Variants in RUNDC3B observed in about 807,000 individuals in gnomAD.
The protein encoded by RUNDC3B is RUN domain-containing protein 3B.
Under a neutral mutation model 58.4 loss-of-function variants are expected in RUNDC3B, and 33 were observed. The observed-to-expected ratio is 0.56, with a 90% CI of 0.43 to 0.75. The LOEUF (loss-of-function observed/expected upper bound fraction) is 0.75. RUNDC3B is among the 30% of genes least tolerant of loss of function. The pLI is 0.00. For synonymous variants in RUNDC3B, 193 were observed against 195.2 expected, an observed-to-expected ratio of 0.99 and a Z score of 0.10; for missense variants, 501 against 535.7, an observed-to-expected ratio of 0.94 and a Z score of 0.64.
intron 2 of RUNDC3B, among the ~76,000 whole-genome samples, chr7:87,661,926 CT>C: frequency 6.6e-6 from 1 of 152,110 alleles, no homozygotes; most frequent in East Asian, 1.9e-4. Flanking sequence ...TATTGCTTGT[CT>C]TTTGGATAAA....
At chr7:87,643,818 C>T (rs2188532) in intron 1 of RUNDC3B, among the ~76,000 whole-genome samples, 4,750 of 150,516 alleles carry the variant, frequency 0.032, 72 homozygotes, top group Middle Eastern at 0.05. Context: ...TGAGCCACCA[C>T]GCCCGGCCAA....
intron 8 of RUNDC3B, among the ~76,000 whole-genome samples, chr7:87,800,475 T>A (rs1836084282): frequency 6.6e-6 from 1 of 152,162 alleles, no homozygotes; most frequent in South Asian, 2.1e-4. Context: ...GCAGAATCTC[T>A]TCAACATACT....
chr7:87,680,322 G>A (rs1826801923), intron 2 of RUNDC3B, among the ~76,000 whole-genome samples: 1 of 150,586 alleles, frequency 6.6e-6, no homozygotes, highest in Non-Finnish European at 1.5e-5. Flanking sequence ...ATAACTCTTG[G>A]ATCAAAGAGG....
At chr7:87,632,538 C>T (rs1483888882) in intron 1 of RUNDC3B, among the ~76,000 whole-genome samples, 1 of 152,128 alleles carries the variant, frequency 6.6e-6, no homozygotes, top group Non-Finnish European at 1.5e-5. Flanking sequence ...ATCTTACACA[C>T]TCAACTTCAA....
At chr7:87,729,522 A>G (rs1831453882) in intron 4 of RUNDC3B, among the ~76,000 whole-genome samples, 1 of 152,214 alleles carries the variant, frequency 6.6e-6, no homozygotes, top group Admixed American at 6.6e-5. Context: ...CAGTGCCTAC[A>G]GAGGGAGCTT....
chr7:87,731,469 A>G (rs2130794344), intron 4 of RUNDC3B, among the ~76,000 whole-genome samples: 1 of 152,320 alleles, frequency 6.6e-6, no homozygotes, highest in Admixed American at 6.5e-5. Flanking sequence ...AGACATAAAG[A>G]GGAGAAATGG....
Position 87,700,503 on chromosome 7 carries a change from T to C in RUNDC3B, c.321T>C (p.Asn107=). 1 of 1,613,634 alleles carries C rather than the reference T, an allele frequency of 6.2e-7. No homozygotes were observed. Among genetic ancestry groups the C allele is most frequent in the Non-Finnish European group, 8.5e-7 (1 of 1,179,730 alleles). Residue 107 remains asparagine, a synonymous_variant, in exon 3 of 11, where the codon AAT becomes AAC. Transcript: ENST00000394654. ...IRVACRKVSQ[N]CICSIENMEN... ...TGGCTTGCCGGAAAGTTTCACAGAA[T>C]TGTATCTGCAGCATTGAAAATATGG...
At chr7:87,732,407 A>T (rs1352847966) in intron 4 of RUNDC3B, among the ~76,000 whole-genome samples, 1 of 152,126 alleles carries the variant, frequency 6.6e-6, no homozygotes, top group Non-Finnish European at 1.5e-5. Flanking sequence ...AAAACCTGAA[A>T]AGAGGGGAGA....
chr7:87,823,026 C>G (rs1023965839), intron 10 of RUNDC3B, among the ~76,000 whole-genome samples: 3 of 151,852 alleles, frequency 2.0e-5, no homozygotes, highest in South Asian at 2.1e-4. Context: ...TACCCTAAAA[C>G]TTAAAGTATA....
At chr7:87,716,935 C>T (rs978536110) in intron 4 of RUNDC3B, among the ~76,000 whole-genome samples, 1 of 152,180 alleles carries the variant, frequency 6.6e-6, no homozygotes, top group Non-Finnish European at 1.5e-5. Flanking sequence ...CTCTCAGGCT[C>T]AAGCCATCTT....
At chr7:87,715,502 TTA>T (rs1329765164) in intron 4 of RUNDC3B, among the ~76,000 whole-genome samples, 1 of 132,440 alleles carries the variant, frequency 7.6e-6, no homozygotes, top group Admixed American at 8.5e-5. Context: ...TATAATTATA[TTA>T]TATATAATTA....
intron 4 of RUNDC3B, among the ~76,000 whole-genome samples, chr7:87,726,188 C>A (rs1172001332): frequency 2.6e-5 from 4 of 152,108 alleles, no homozygotes; most frequent in African/African-American, 7.2e-5. Flanking sequence ...CTGAATGGTA[C>A]TGCCTAGGTT....
At chr7:87,735,965 A>G (rs2130802413) in intron 4 of RUNDC3B, among the ~76,000 whole-genome samples, 1 of 152,324 alleles carries the variant, frequency 6.6e-6, no homozygotes, top group Non-Finnish European at 1.5e-5. Flanking sequence ...GGAATTTAAT[A>G]AATATTTGTT....
At chr7:87,828,317 C>T (rs1007475616) in intron 10 of RUNDC3B, among the ~76,000 whole-genome samples, 1 of 152,106 alleles carries the variant, frequency 6.6e-6, no homozygotes, top group Non-Finnish European at 1.5e-5. Flanking sequence ...TTGATCCCAT[C>T]ACCCAAGTAG....
intron 10 of RUNDC3B, among the ~76,000 whole-genome samples, chr7:87,823,041 TAATAA>T (rs1393330553): frequency 2.0e-5 from 3 of 151,758 alleles, no homozygotes; most frequent in African/African-American, 7.3e-5. Context: ...AGTATAATAA[TAATAA>T]AATAAAATTA....
At chr7:87,787,562 T>G (rs1347027767) in intron 8 of RUNDC3B, among the ~76,000 whole-genome samples, 1 of 152,218 alleles carries the variant, frequency 6.6e-6, no homozygotes, top group Non-Finnish European at 1.5e-5. Context: ...ATAAAATATA[T>G]ACATTTTGTA....
chr7:87,771,680 TG>T (rs1289403008), intron 7 of RUNDC3B, among the ~76,000 whole-genome samples: 1 of 152,122 alleles, frequency 6.6e-6, no homozygotes. Flanking sequence ...GCCCCAGGGA[TG>T]GGGGTGAAGG....
chr7:87,819,966 CAATT>C (rs774719814), intron 10 of RUNDC3B, among the ~76,000 whole-genome samples: 297 of 152,002 alleles, frequency 2.0e-3, no homozygotes, highest in Non-Finnish European at 3.6e-3. Flanking sequence ...CCTAACATCA[CAATT>C]AAAAGAACTA....
At chr7:87,662,663 G>A (rs1824832134) in intron 2 of RUNDC3B, among the ~76,000 whole-genome samples, 1 of 152,082 alleles carries the variant, frequency 6.6e-6, no homozygotes, top group Admixed American at 6.6e-5. Flanking sequence ...TAGCCCTGTA[G>A]TATACTTTGA....
Sources: gnomAD v4.1 joint callset for allele counts (sites outside exome capture counted in the v4.1 genomes callset) on GRCh38, gnomAD v4.1.1 for gene constraint, MANE v1.5 for transcripts, NCBI Gene and HGNC (gene_info 2026-07-23, HGNC 2026-07-21) for gene names.